CTNNA3: variants seen among roughly 807,000 people sequenced by gnomAD.
CTNNA3 encodes the protein catenin alpha 3.
In CTNNA3, 76 loss-of-function variants were observed where a neutral mutation model predicts 95.7. That is an observed-to-expected ratio of 0.79 (90% CI 0.66 to 0.96). The LOEUF (loss-of-function observed/expected upper bound fraction) is 0.96. CTNNA3 is among the 40% of genes least tolerant of loss of function. The pLI is 0.00. For synonymous variants in CTNNA3, 431 were observed against 374.4 expected, an observed-to-expected ratio of 1.15 and a Z score of -1.74; for missense variants, 1,191 against 1,089.8, an observed-to-expected ratio of 1.09 and a Z score of -1.31.
chr10:66,672,102 A>C (rs1310757771), intron 9 of CTNNA3, among the ~76,000 whole-genome samples: 36 of 152,084 alleles, frequency 2.4e-4, no homozygotes, highest in Non-Finnish European at 1.5e-5. Context: ...CAACAGAGAG[A>C]ATGGAGGAAG....
intron 1 of CTNNA3, among the ~76,000 whole-genome samples, chr10:67,678,628 C>A (rs1840574042): frequency 6.6e-6 from 1 of 152,134 alleles, no homozygotes; most frequent in African/African-American, 2.4e-5. Context: ...AGACAAGTAT[C>A]TTAGATTGCT....
chr10:66,640,219 C>T (rs1845469596), intron 9 of CTNNA3, among the ~76,000 whole-genome samples: 2 of 152,130 alleles, frequency 1.3e-5, no homozygotes, highest in African/African-American at 4.8e-5. Flanking sequence ...GCCATATCTC[C>T]TCTTCATATT....
At chr10:66,098,992 G>A (rs1402428557) in intron 14 of CTNNA3, among the ~76,000 whole-genome samples, 1 of 152,118 alleles carries the variant, frequency 6.6e-6, no homozygotes, top group Non-Finnish European at 1.5e-5. Context: ...ATTTGCCACT[G>A]GTGACAACAA....
At chr10:67,058,970 C>G (rs7086100) in intron 7 of CTNNA3, among the ~76,000 whole-genome samples, 2,007 of 152,298 alleles carry the variant, frequency 0.013, 37 homozygotes, top group African/African-American at 0.039. Context: ...TTATTTTTAT[C>G]ATGACTAAAA....
chr10:66,928,465 G>A, intron 7 of CTNNA3: 1 of 1,569,996 alleles, frequency 6.4e-7, no homozygotes, highest in East Asian at 2.2e-5. Context: ...ATGAACCATT[G>A]TGATAAAAAG....
intron 5 of CTNNA3, among the ~76,000 whole-genome samples, chr10:67,370,157 T>C (rs992349905): frequency 1.3e-5 from 2 of 152,170 alleles, no homozygotes; most frequent in African/African-American, 2.4e-5. Context: ...CAAATTTTGG[T>C]ATGTCTATAT....
intron 10 of CTNNA3, among the ~76,000 whole-genome samples, chr10:66,580,305 A>C (rs1351592794): frequency 6.6e-6 from 1 of 151,566 alleles, no homozygotes; most frequent in Non-Finnish European, 1.5e-5. Flanking sequence ...TGGCTACATA[A>C]TTGTACATAT....
chr10:67,758,315 A>AATATAT (rs558989789), intron 1 of CTNNA3, among the ~76,000 whole-genome samples: 1,852 of 124,554 alleles, frequency 0.015, 20 homozygotes, highest in Admixed American at 0.024. Context: ...CATATATATA[A>AATATAT]ATATATATAC....
intron 15 of CTNNA3, among the ~76,000 whole-genome samples, chr10:66,013,723 T>G (rs1993852): frequency 0.29 from 43,444 of 152,008 alleles, 6,646 homozygotes; most frequent in African/African-American, 0.39. Context: ...CACCACATTG[T>G]CAAAAAATAC....
intron 7 of CTNNA3, among the ~76,000 whole-genome samples, chr10:66,855,837 G>C (rs1843664601): frequency 6.6e-6 from 1 of 151,980 alleles, no homozygotes; most frequent in African/African-American, 2.4e-5. Flanking sequence ...ACCAACACAT[G>C]CAAGGGTAAG....
chr10:66,723,538 A>G (rs1269591430), intron 9 of CTNNA3, among the ~76,000 whole-genome samples: 5 of 152,212 alleles, frequency 3.3e-5, no homozygotes, highest in South Asian at 2.1e-4. Flanking sequence ...AGCACATTCT[A>G]TAGTCATCTT....
At chr10:67,002,453 A>G (rs562682894) in intron 7 of CTNNA3, among the ~76,000 whole-genome samples, 1 of 152,314 alleles carries the variant, frequency 6.6e-6, no homozygotes, top group East Asian at 1.9e-4. Flanking sequence ...ACAAGGTTGA[A>G]TCTAAATCCA....
At chr10:67,639,698 C>T (rs949971902) in intron 2 of CTNNA3, among the ~76,000 whole-genome samples, 1 of 152,090 alleles carries the variant, frequency 6.6e-6, no homozygotes, top group Non-Finnish European at 1.5e-5. Context: ...AAGGCTGGTT[C>T]AACATACACA....
chr10:67,185,695 C>T (rs1008312376), intron 6 of CTNNA3, among the ~76,000 whole-genome samples: 6 of 151,984 alleles, frequency 3.9e-5, no homozygotes, highest in Non-Finnish European at 7.4e-5. Flanking sequence ...TCATTTAGTA[C>T]AAACTTTCCA....
At chr10:66,114,890 G>C (rs1387556514) in intron 13 of CTNNA3, among the ~76,000 whole-genome samples, 1 of 150,254 alleles carries the variant, frequency 6.7e-6, no homozygotes, top group East Asian at 1.9e-4. Context: ...AAAAAAAAAA[G>C]AAAAAGAAAA....
chr10:67,003,402 T>C (rs1482251331), intron 7 of CTNNA3, among the ~76,000 whole-genome samples: 1 of 152,144 alleles, frequency 6.6e-6, no homozygotes, highest in Non-Finnish European at 1.5e-5. Context: ...ATATTTCCCA[T>C]AGTATGTTCC....
chr10:66,493,462 G>C (rs536974598), intron 11 of CTNNA3, among the ~76,000 whole-genome samples: 3 of 152,106 alleles, frequency 2.0e-5, no homozygotes, highest in African/African-American at 7.2e-5. Flanking sequence ...TGCTAAAAAG[G>C]TTAAGAAAGC....
intron 15 of CTNNA3, among the ~76,000 whole-genome samples, chr10:65,999,530 C>T (rs962542153): frequency 6.6e-6 from 1 of 152,094 alleles, no homozygotes; most frequent in Non-Finnish European, 1.5e-5. Context: ...TATGCCAAAC[C>T]ACAATTATTC....
At chr10:66,166,020 C>G (rs910641057) in intron 13 of CTNNA3, among the ~76,000 whole-genome samples, 1 of 152,016 alleles carries the variant, frequency 6.6e-6, no homozygotes, top group Non-Finnish European at 1.5e-5. Context: ...TCCTCTTCGG[C>G]CTCCCAAAGT....
Sources: gnomAD v4.1 joint callset for allele counts (sites outside exome capture counted in the v4.1 genomes callset) on GRCh38, gnomAD v4.1.1 for gene constraint, MANE v1.5 for transcripts, NCBI Gene and HGNC (gene_info 2026-07-23, HGNC 2026-07-21) for gene names.